Variants in BLTP1 observed in about 807,000 individuals in gnomAD.
BLTP1 encodes the protein fragile site-associated protein.
At chr4:122,265,268 T>G in the BLTP1 span, among the ~76,000 whole-genome samples, 3 of 152,366 alleles carry the variant, frequency 2.0e-5, no homozygotes, top group South Asian at 6.2e-4. Context: ...TACATCCTTC[T>G]GTATACTTTA....
chr4:122,258,021 G>T, the BLTP1 span, among the ~76,000 whole-genome samples: 1 of 152,102 alleles, frequency 6.6e-6, no homozygotes, highest in African/African-American at 2.4e-5. Flanking sequence ...CCTGATGCCT[G>T]CTTGATCCTG....
chr4:122,166,949 A>T, the BLTP1 span, among the ~76,000 whole-genome samples: 1 of 152,036 alleles, frequency 6.6e-6, no homozygotes, highest in Non-Finnish European at 1.5e-5. Flanking sequence ...TGTCCTTTTG[A>T]CATGTTCATA....
At chr4:122,197,245 T>C in the BLTP1 span, 2 of 1,488,740 alleles carry the variant, frequency 1.3e-6, no homozygotes, top group South Asian at 1.5e-5. Flanking sequence ...TATTTAGAAA[T>C]TAATATTCCA....
At chr4:122,223,253 AT>A in the BLTP1 span, 4 of 529,272 alleles carry the variant, frequency 7.6e-6, no homozygotes, top group African/African-American at 2.1e-5. Context: ...CTTAAAAAAA[AT>A]TTTTTTAAGA....
chr4:122,323,440 CTTT>C, the BLTP1 span, among the ~76,000 whole-genome samples: 6 of 140,362 alleles, frequency 4.3e-5, no homozygotes, highest in Non-Finnish European at 4.7e-5. Flanking sequence ...AGAGAACCCT[CTTT>C]TTTTTTTTTT....
the BLTP1 span, chr4:122,325,824 T>A: frequency 9.4e-7 from 1 of 1,064,468 alleles, no homozygotes; most frequent in Non-Finnish European, 1.2e-6. Context: ...GAGTTTTTTT[T>A]TTTTTTACTT....
At chr4:122,208,788 T>G in the BLTP1 span, 2 of 502,558 alleles carry the variant, frequency 4.0e-6, no homozygotes, top group South Asian at 1.7e-4. Context: ...ACTCGTGTAA[T>G]CCCAGCACTT....
At chr4:122,305,383 T>C in the BLTP1 span, 1 of 948,676 alleles carries the variant, frequency 1.1e-6, no homozygotes, top group Non-Finnish European at 1.3e-6. Flanking sequence ...AAACAGCAGT[T>C]AGATTCTCTA....
the BLTP1 span, among the ~76,000 whole-genome samples, chr4:122,342,851 C>T: frequency 6.6e-6 from 1 of 152,210 alleles, no homozygotes; most frequent in Non-Finnish European, 1.5e-5. Context: ...GAATCACCAG[C>T]AAAATCATTT....
the BLTP1 span, chr4:122,263,257 G>A: frequency 5.3e-5 from 52 of 983,978 alleles, 1 homozygote; most frequent in Admixed American, 5.5e-4. Context: ...AATTTCCCCT[G>A]TTATAATAAA....
the BLTP1 span, chr4:122,261,702 T>G: frequency 2.0e-6 from 2 of 984,756 alleles, no homozygotes; most frequent in Non-Finnish European, 2.4e-6. Flanking sequence ...GGCTTTTTCC[T>G]TAGTAAGTAT....
the BLTP1 span, among the ~76,000 whole-genome samples, chr4:122,311,853 G>C: frequency 6.6e-6 from 1 of 152,080 alleles, no homozygotes; most frequent in East Asian, 1.9e-4. Flanking sequence ...TCAGCCTAAT[G>C]GTTGCTCCAA....
chr4:122,221,061 T>C, the BLTP1 span: 1 of 979,964 alleles, frequency 1.0e-6, no homozygotes, highest in South Asian at 4.7e-5. Context: ...CCACTTTATA[T>C]GCCCCTGTCT....
chr4:122,238,141 A>G, the BLTP1 span: 1 of 1,613,832 alleles, frequency 6.2e-7, no homozygotes, highest in South Asian at 1.1e-5. Context: ...AATCAGTGGG[A>G]ATAGAAGTAG....
the BLTP1 span, chr4:122,225,042 G>C: frequency 5.6e-5 from 54 of 965,076 alleles, no homozygotes; most frequent in Non-Finnish European, 6.6e-5. Flanking sequence ...CTACTATATG[G>C]AGTAATTTTC....
At chr4:122,160,181 C>CT in the BLTP1 span, among the ~76,000 whole-genome samples, 1 of 152,140 alleles carries the variant, frequency 6.6e-6, no homozygotes, top group Non-Finnish European at 1.5e-5. Flanking sequence ...GAATCTTAGG[C>CT]TTTTTGTAAT....
the BLTP1 span, among the ~76,000 whole-genome samples, chr4:122,168,469 A>G: frequency 2.6e-5 from 4 of 152,224 alleles, no homozygotes; most frequent in Non-Finnish European, 5.9e-5. Context: ...AAAAATAAGT[A>G]TGAAATTGAT....
the BLTP1 span, chr4:122,254,888 A>C: frequency 3.7e-6 from 6 of 1,613,814 alleles, no homozygotes; most frequent in East Asian, 1.3e-4. Flanking sequence ...TCTTTAAACA[A>C]ATTGGAAACT....
At chr4:122,333,680 G>T in the BLTP1 span, 1 of 1,611,194 alleles carries the variant, frequency 6.2e-7, no homozygotes, top group Non-Finnish European at 8.5e-7. Flanking sequence ...CTTCAAAAAA[G>T]AAGAAGTTTC....
Sources: allele counts gnomAD v4.1 joint callset (sites outside exome capture counted in the v4.1 genomes callset), GRCh38; gene constraint gnomAD v4.1.1; transcripts MANE v1.5; gene names NCBI Gene and HGNC (gene_info 2026-07-23, HGNC 2026-07-21).